PCNP: variants seen among roughly 807,000 people sequenced by gnomAD.
The protein encoded by PCNP is PEST proteolytic signal containing nuclear protein.
Under a neutral mutation model 21.8 loss-of-function variants are expected in PCNP, and 6 were observed. That is an observed-to-expected ratio of 0.28 (90% CI 0.15 to 0.54). PCNP has a LOEUF of 0.54. Among genes scored for constraint, PCNP ranks in the 20% least tolerant of loss-of-function variants. PCNP has a pLI of 0.95. For missense variants in PCNP, 161 were observed against 215.5 expected, an observed-to-expected ratio of 0.75 and a Z score of 1.58; for synonymous variants, 67 against 73.2, an observed-to-expected ratio of 0.92 and a Z score of 0.43.
chr3:101,586,128 G>T (rs1200290877), intron 3 of PCNP, among the ~76,000 whole-genome samples: 2 of 135,686 alleles, frequency 1.5e-5, no homozygotes, highest in African/African-American at 5.7e-5. Context: ...CCAAGATCAT[G>T]CCACTGCACT....
At chr3:101,591,926 C>T (rs1387951555) in intron 4 of PCNP, among the ~76,000 whole-genome samples, 1 of 151,908 alleles carries the variant, frequency 6.6e-6, no homozygotes, top group Non-Finnish European at 1.5e-5. Context: ...CGCACACCAG[C>T]ACACCTGACT....
At chr3:101,590,600 T>C (rs992472683) in intron 4 of PCNP, among the ~76,000 whole-genome samples, 3 of 151,804 alleles carry the variant, frequency 2.0e-5, no homozygotes, top group Non-Finnish European at 4.4e-5. Flanking sequence ...GCTGGAATGC[T>C]GTGGCACAAT....
At chr3:101,588,433 T>A (rs1314735294) in intron 3 of PCNP, among the ~76,000 whole-genome samples, 1 of 152,026 alleles carries the variant, frequency 6.6e-6, no homozygotes, top group African/African-American at 2.4e-5. Flanking sequence ...TTCTTTCTCC[T>A]ATAATATAAC....
intron 3 of PCNP, among the ~76,000 whole-genome samples, chr3:101,589,312 T>G (rs1935686008): frequency 6.6e-6 from 1 of 152,178 alleles, no homozygotes; most frequent in Non-Finnish European, 1.5e-5. Flanking sequence ...AGTATTTAGC[T>G]AAGCAGCAGC....
At chr3:101,574,616 G>C (rs1258117759) in intron 1 of PCNP, among the ~76,000 whole-genome samples, 1 of 152,196 alleles carries the variant, frequency 6.6e-6, no homozygotes, top group Non-Finnish European at 1.5e-5. Context: ...CGCCACACCG[G>C]AGACGCACAT....
intron 4 of PCNP, among the ~76,000 whole-genome samples, chr3:101,590,627 C>T (rs1935752637): frequency 6.6e-6 from 1 of 152,188 alleles, no homozygotes; most frequent in Non-Finnish European, 1.5e-5. Flanking sequence ...TCACTGCAGC[C>T]TCGATCTCCC....
chr3:101,581,590 C>T (rs1196958676), intron 2 of PCNP, among the ~76,000 whole-genome samples: 5 of 151,934 alleles, frequency 3.3e-5, no homozygotes, highest in African/African-American at 9.7e-5. Context: ...CACGCCACCA[C>T]GTCTGGCTAA....
Position 101,592,841 on chromosome 3 carries a change from G to T in PCNP, c.*88G>T. On this transcript the variant is annotated 3_prime_UTR_variant, in exon 5 of 5. Transcript: ENST00000265260. ...AAAGAATGGTATAAGACTATCTTTG[G>T]AGCCGCTTTTTTTTTCTTTTTCATT... The T allele has an allele frequency of 8.4e-7, 1 of 1,185,954 alleles. No homozygotes were observed. Among genetic ancestry groups the T allele is most frequent in the South Asian group, 2.2e-5 (1 of 45,038 alleles). The allele number at this position is 1,185,954 out of a possible 1,614,324, so 73.5% of individuals were successfully genotyped here.
At chr3:101,579,709 C>A in intron 1 of PCNP, 81 bp from the exon 2 acceptor site, 4 of 930,528 alleles carry the variant, frequency 4.3e-6, no homozygotes, top group Non-Finnish European at 7.2e-6. Flanking sequence ...TTCCTTATAA[C>A]GATGCTTTTT....
At chr3:101,577,563 C>T (rs1401920143) in intron 1 of PCNP, among the ~76,000 whole-genome samples, 1 of 152,186 alleles carries the variant, frequency 6.6e-6, no homozygotes, top group African/African-American at 2.4e-5. Flanking sequence ...CACGCTCTGT[C>T]GCCCAAGCTG....
chr3:101,580,107 A>G (rs1935146855), intron 2 of PCNP, 103 bp downstream of exon 2: 3 of 782,780 alleles, frequency 3.8e-6, no homozygotes, highest in Admixed American at 4.4e-5. Context: ...GAAAAGGTAC[A>G]TTGTTTGAGA....
intron 1 of PCNP, among the ~76,000 whole-genome samples, chr3:101,575,243 TATC>T (rs1307383978): frequency 2.6e-5 from 4 of 152,184 alleles, no homozygotes; most frequent in Non-Finnish European, 4.4e-5. Context: ...CCACCTTAGT[TATC>T]ATTCCCGAAA....
intron 4 of PCNP, 105 bp downstream of exon 4, chr3:101,590,375 C>G: frequency 1.5e-6 from 1 of 665,210 alleles, no homozygotes. Context: ...TGCATTTGGG[C>G]AGAACAGTTT....
At chr3:101,577,488 G>C (rs996006615) in intron 1 of PCNP, among the ~76,000 whole-genome samples, 29 of 152,142 alleles carry the variant, frequency 1.9e-4, no homozygotes, top group African/African-American at 6.8e-4. Flanking sequence ...GGGTTATGAA[G>C]GGTACCCTTA....
Position 101,574,226 on chromosome 3 carries a change from G to C in PCNP, c.11G>C (p.Gly4Ala). 6.5e-7 allele frequency: 1 copy of C among 1,549,702 alleles called. No homozygotes were observed. Among genetic ancestry groups the C allele is most frequent in the Non-Finnish European group, 8.7e-7 (1 of 1,145,922 alleles). The part of the protein sequence containing the change: MAD[G>A]KAGDEKPEKS... The stretch of plus-strand genomic sequence containing the variant: ...GCCGCGGCGGGGAAAATGGCGGACG[G>C]GAAGGCGGGAGACGAGAAGCCTGAA... The change falls in exon 1 of 5, where the codon GGG becomes GCG. Residue 4 changes from glycine to alanine, a missense_variant. By Grantham distance (60) the Gly-to-Ala change is moderately conservative. Coordinates refer to ENST00000265260, the MANE Select transcript of PCNP (RefSeq NM_020357.3).
chr3:101,582,958 T>G (rs1244078136), intron 2 of PCNP, among the ~76,000 whole-genome samples: 1 of 152,136 alleles, frequency 6.6e-6, no homozygotes, highest in Non-Finnish European at 1.5e-5. Context: ...CCATAATGAG[T>G]CTCAAGACTT....
rs886194430 is a variant in PCNP at position 101,593,894 on chromosome 3, T to C, written c.*1141T>C. ...TTTTGGAATCTCACCACATATACTT[T>C]GTTAGATTTGTGTATTGTAGGGTGT... is the stretch of plus-strand genomic sequence containing the variant. On this transcript the variant is annotated 3_prime_UTR_variant, in exon 5 of 5. Coordinates refer to ENST00000265260, the MANE Select transcript of PCNP (RefSeq NM_020357.3). 2.6e-5 allele frequency: 4 copies of C among 152,752 alleles called. No homozygotes were observed. Among genetic ancestry groups the C allele is most frequent in the African/African-American group, 9.6e-5 (4 of 41,580 alleles). 9.5% of individuals were successfully genotyped at this position (152,752 alleles called of 1,614,324 possible). A position where few individuals can be genotyped will look rare whatever the true frequency, so the allele number is the denominator to read the frequency against.
intron 1 of PCNP, chr3:101,576,414 T>A: frequency 8.2e-7 from 1 of 1,214,244 alleles, no homozygotes; most frequent in Non-Finnish European, 1.1e-6. Flanking sequence ...TTTGTATTTT[T>A]ATTTTTTATT....
At position 101,594,295 on chromosome 3, in the gene PCNP, T is replaced by G. The variant is rs1245735339; in HGVS notation, c.*1542T>G. 1 of 152,658 alleles carries G rather than the reference T, an allele frequency of 6.6e-6. No homozygotes were observed. Among genetic ancestry groups the G allele is most frequent in the Non-Finnish European group, 1.5e-5 (1 of 68,042 alleles). 9.5% of individuals were successfully genotyped at this position (152,658 alleles called of 1,614,324 possible). A position where few individuals can be genotyped will look rare whatever the true frequency, so the allele number is the denominator to read the frequency against. ...GGCAAACTATCAATTTTTTGTCCAT[T>G]TTCCTGTTTGTTAAAATAACATACC... On this transcript the variant is annotated 3_prime_UTR_variant, in exon 5 of 5. Coordinates refer to ENST00000265260, the MANE Select transcript of PCNP (RefSeq NM_020357.3).
Sources: gnomAD v4.1 joint callset for allele counts (sites outside exome capture counted in the v4.1 genomes callset) on GRCh38, gnomAD v4.1.1 for gene constraint, MANE v1.5 for transcripts, NCBI Gene and HGNC (gene_info 2026-07-23, HGNC 2026-07-21) for gene names.